Variants in AP2M1 observed in about 807,000 individuals in gnomAD.
The protein encoded by AP2M1 is AP-2 complex subunit mu.
AP2M1 carries 5 observed loss-of-function variants against 54.5 expected under a neutral mutation model. That is an observed-to-expected ratio of 0.09 (90% CI 0.05 to 0.19). The LOEUF (loss-of-function observed/expected upper bound fraction) is 0.19, where lower values mean the gene tolerates loss of function less well. AP2M1 is among the 10% of genes least tolerant of loss of function. The probability of loss-of-function intolerance (pLI) is 1.00; values close to 1 mark genes in which losing one functional copy is unlikely to be tolerated. For missense variants in AP2M1, 178 were observed against 580.2 expected (o/e 0.31, Z 7.12); for synonymous variants, 186 against 208.2 (o/e 0.89, Z 0.92).
chr3:184,181,598 T>G lies in AP2M1; in HGVS notation c.708-98T>G, dbSNP rs1018909021. The G allele has an allele frequency of 5.3e-6, 8 of 1,503,982 alleles. No individual in the cohort carries two copies. Among genetic ancestry groups the G allele is most frequent in the Non-Finnish European group, 9.1e-7 (1 of 1,098,636 alleles). The allele number at this position is 1,503,982 out of a possible 1,614,324, so 93.2% of individuals were successfully genotyped here. A position where few individuals can be genotyped will look rare whatever the true frequency, so the allele number is the denominator to read the frequency against. On this transcript the variant is annotated intron_variant, in intron 7 of 11. Transcript: ENST00000292807. This position sits in a 1 kb window ranked among gnomAD's most constrained non-coding sequence, Gnocchi z 5.7. ...TCACAAAGCTGCATTCTAGCAGCTT[T>G]TCATAGTCTCTGGTGCCAGCCTGGG...
Position 184,183,010 on chromosome 3 carries a change from T to G in AP2M1, c.1173+142T>G. ...CTGGCTTTAATTCATAGATCCATTC[T>G]TCCCCTTTCAAGCCTCTTAGTAGAA... On this transcript the variant is annotated intron_variant, in intron 11 of 11. Coordinates refer to ENST00000292807, the MANE Select transcript of AP2M1 (RefSeq NM_004068.4). This position sits in a 1 kb window ranked among gnomAD's most constrained non-coding sequence, Gnocchi z 5.7. 1.3e-6 allele frequency: 1 copy of G among 751,164 alleles called. No homozygotes were observed. The highest frequency in any genetic ancestry group is 2.4e-6 in the Non-Finnish European group (1 of 422,816). 46.5% of individuals were successfully genotyped at this position (751,164 alleles called of 1,614,324 possible). A position where few individuals can be genotyped will look rare whatever the true frequency, so the allele number is the denominator to read the frequency against.
chr3:184,177,758 G>A (rs758135893), intron 2 of AP2M1: 1 of 749,006 alleles, frequency 1.3e-6, no homozygotes, highest in Non-Finnish European at 2.1e-6. Context: ...CTTGTTCTTT[G>A]CGACTGAAGG....
chr3:184,177,834 C>T (rs1461468837), intron 2 of AP2M1: 1 of 594,792 alleles, frequency 1.7e-6, no homozygotes, highest in Non-Finnish European at 3.0e-6. Flanking sequence ...TGTTTTTCTT[C>T]CTCAGAGAGC....
In AP2M1 at chr3:184,180,814, T is replaced by G. The variant is rs770174224; in HGVS notation, c.430-35T>G. The stretch of plus-strand genomic sequence containing the variant: ...CAGGATGATTAAAGGGACAGAGGAG[T>G]GAGGCCATTGCTGTTTGTTTCTGCC... On this transcript the variant is annotated intron_variant, in intron 5 of 11. Transcript: ENST00000292807. The surrounding 1 kb of genome is among the most constrained non-coding windows in gnomAD (Gnocchi z 4.9). 2.5e-6 allele frequency: 4 copies of G among 1,613,854 alleles called. No individual in the cohort carries two copies. In the South Asian group the frequency reaches 4.4e-5, roughly 18 times the overall value.
intron 2 of AP2M1, chr3:184,177,643 C>A (rs916026314): frequency 1.3e-6 from 2 of 1,526,592 alleles, no homozygotes; most frequent in Non-Finnish European, 1.8e-6. Flanking sequence ...TGTGGGAGGG[C>A]AGGGAAGCCA....
In AP2M1 at chr3:184,174,869, C is replaced by G. The variant is rs1415216855; in HGVS notation, c.-134C>G. The stretch of plus-strand genomic sequence containing the variant: ...GGGGCGGCGGCACTGCGGTGAAAGC[C>G]GAGGCAGCGGGCAGACGAGCAGGGG... On this transcript the variant is annotated 5_prime_UTR_variant, in exon 1 of 12. Transcript: ENST00000292807. 5.0e-6 allele frequency: 2 copies of G among 397,924 alleles called. No individual in the cohort carries two copies. The highest frequency in any genetic ancestry group is 4.4e-5 in the Admixed American group (1 of 22,698). 24.6% of individuals were successfully genotyped at this position (397,924 alleles called of 1,614,324 possible).
chr3:184,176,122 A>G (rs1199049142), intron 1 of AP2M1, among the ~76,000 whole-genome samples: 4 of 152,260 alleles, frequency 2.6e-5, no homozygotes, highest in South Asian at 4.1e-4. Flanking sequence ...GAGTTACTTC[A>G]TGGGCCTGGA....
Position 184,183,124 on chromosome 3 carries a change from G to A in AP2M1, c.1173+256G>A. 5.3e-6 allele frequency: 3 copies of A among 566,890 alleles called. No homozygotes were observed. The highest frequency in any genetic ancestry group is 3.7e-5 in the African/African-American group (2 of 53,560). 35.1% of individuals were successfully genotyped at this position (566,890 alleles called of 1,614,324 possible). A position where few individuals can be genotyped will look rare whatever the true frequency, so the allele number is the denominator to read the frequency against. On this transcript the variant is annotated intron_variant, in intron 11 of 11. Transcript: ENST00000292807. This position sits in a 1 kb window ranked among gnomAD's most constrained non-coding sequence, Gnocchi z 5.7. ...AAAAACTTAGATTGTTTAAATGCCAGGTAAGACACAAAGTTTACTTACAGA... is the reference window on the plus strand; with the variant it reads ...AAAAACTTAGATTGTTTAAATGCCAAGTAAGACACAAAGTTTACTTACAGA...
chr3:184,179,448 C>T (rs769242298), intron 3 of AP2M1: 11 of 321,362 alleles, frequency 3.4e-5, no homozygotes, highest in Non-Finnish European at 6.5e-5. Flanking sequence ...ACTGTCCACC[C>T]AGTTTTCCAT....
At chr3:184,176,863 A>C in intron 1 of AP2M1, 88 bp from the exon 2 acceptor site, 4 of 903,650 alleles carry the variant, frequency 4.4e-6, no homozygotes, top group Non-Finnish European at 6.5e-6. Flanking sequence ...TTGAGTCAGG[A>C]AAGAAGCTCC....
In AP2M1 at chr3:184,183,161, G is replaced by A. The variant is rs1715330463; in HGVS notation, c.1173+293G>A. ...AGTTTACTTACAGACAGGATAATGG[G>A]CTGACTTTGCTTTGCGCATGTTAGA... On this transcript the variant is annotated intron_variant, in intron 11 of 11. Coordinates refer to ENST00000292807, the MANE Select transcript of AP2M1 (RefSeq NM_004068.4). The surrounding 1 kb of genome is among the most constrained non-coding windows in gnomAD (Gnocchi z 5.7). 7.2e-6 allele frequency: 4 copies of A among 553,050 alleles called. No homozygotes were observed. Among genetic ancestry groups the A allele is most frequent in the Middle Eastern group, 4.8e-4 (1 of 2,090 alleles). 34.3% of individuals were successfully genotyped at this position (553,050 alleles called of 1,614,324 possible).
At chr3:184,177,323 T>A (rs1715106183) in intron 2 of AP2M1, among the ~76,000 whole-genome samples, 1 of 152,232 alleles carries the variant, frequency 6.6e-6, no homozygotes, top group African/African-American at 2.4e-5. Flanking sequence ...CCTTCCTGCA[T>A]CCTGTTTCTC....
In AP2M1 at chr3:184,183,750, G is replaced by C. The variant is rs1715350411; in HGVS notation, c.*134G>C. The C allele has an allele frequency of 1.8e-6, 2 of 1,111,862 alleles. No individual in the cohort carries two copies. Among genetic ancestry groups the C allele is most frequent in the African/African-American group, 1.6e-5 (1 of 63,736 alleles). The allele number at this position is 1,111,862 out of a possible 1,614,324, so 68.9% of individuals were successfully genotyped here. Reference sequence around the variant, plus strand: ...TTCCCTTTGCACCAGCCCGAGTCTAGGTCTGGGCCAAGCACATTACAAGTG... The same window carrying C: ...TTCCCTTTGCACCAGCCCGAGTCTACGTCTGGGCCAAGCACATTACAAGTG... On this transcript the variant is annotated 3_prime_UTR_variant, in exon 12 of 12. Transcript: ENST00000292807. The surrounding 1 kb of genome is among the most constrained non-coding windows in gnomAD (Gnocchi z 5.7).
At position 184,182,654 on chromosome 3, in the gene AP2M1, C is replaced by A; in HGVS notation, c.1062-103C>A. On this transcript the variant is annotated intron_variant, in intron 10 of 11. Transcript: ENST00000292807. This position sits in a 1 kb window ranked among gnomAD's most constrained non-coding sequence, Gnocchi z 5.5. ...TCCTGACCACTTCTCCTTGTTCTGG[C>A]ACCTCCTGCAAGCTCCTGGGCTCTC... 1.1e-6 allele frequency: 1 copy of A among 930,282 alleles called. No homozygotes were observed. The highest frequency in any genetic ancestry group is 1.7e-6 in the Non-Finnish European group (1 of 601,720). The allele number at this position is 930,282 out of a possible 1,614,324, so 57.6% of individuals were successfully genotyped here. A position where few individuals can be genotyped will look rare whatever the true frequency, so the allele number is the denominator to read the frequency against.
rs757270743 is a variant in AP2M1 at position 184,182,084 on chromosome 3, TC to T, written c.963+40del. 5 of 1,611,224 alleles carry T rather than the reference TC, an allele frequency of 3.1e-6. No individual in the cohort carries two copies. Among genetic ancestry groups the T allele is most frequent in the Non-Finnish European group, 4.2e-6 (5 of 1,178,140 alleles). ...GGGCTCAAGGAGGAGGAAGAACTTGTCCCTAGGAATAAAGGTAGCTGATGTC... is the reference window on the plus strand; with the variant it reads ...GGGCTCAAGGAGGAGGAAGAACTTGTCCTAGGAATAAAGGTAGCTGATGTC... On this transcript the variant is annotated intron_variant, in intron 9 of 11. Transcript: ENST00000292807. This position sits in a 1 kb window ranked among gnomAD's most constrained non-coding sequence, Gnocchi z 5.5.
Position 184,180,438 on chromosome 3 carries a change from C to A in AP2M1, c.423+187C>A. 1 of 1,040,578 alleles carries A rather than the reference C, an allele frequency of 9.6e-7. No homozygotes were observed. Among genetic ancestry groups the A allele is most frequent in the Non-Finnish European group, 1.4e-6 (1 of 713,634 alleles). 64.5% of individuals were successfully genotyped at this position (1,040,578 alleles called of 1,614,324 possible). A position where few individuals can be genotyped will look rare whatever the true frequency, so the allele number is the denominator to read the frequency against. On this transcript the variant is annotated intron_variant, in intron 4 of 11. Transcript: ENST00000292807. This position sits in a 1 kb window ranked among gnomAD's most constrained non-coding sequence, Gnocchi z 4.9. ...CCTCCCACTGCAGGAGCAGCCAATT[C>A]AGCATCTCTATTACCAGGAATACAG...
At position 184,180,215 on chromosome 3, in the gene AP2M1, G is replaced by A. The variant is rs1715226028; in HGVS notation, c.387G>A (p.Leu129=). The change falls in exon 4 of 12, where the codon CTG becomes CTA. Residue 129 remains leucine, a synonymous_variant. Coordinates refer to ENST00000292807, the MANE Select transcript of AP2M1 (RefSeq NM_004068.4). This position sits in a 1 kb window ranked among gnomAD's most constrained non-coding sequence, Gnocchi z 4.9. ...CACAGAATTCCGAGACAGGCGCGCT[G>A]AAAACCTTCATCACGCAGCAGGGCA... ...GYPQNSETGA[L]KTFITQQGIK... 2.5e-6 allele frequency: 4 copies of A among 1,614,222 alleles called. No individual in the cohort carries two copies. In the East Asian group the frequency reaches 6.7e-5, roughly 27 times the overall value.
intron 3 of AP2M1, 195 bp from the exon 4 acceptor site, chr3:184,179,974 T>C (rs1351845414): frequency 1.6e-6 from 1 of 622,816 alleles, no homozygotes; most frequent in Non-Finnish European, 2.8e-6. Context: ...ATTTCTCTAT[T>C]TGAAAAAAAT....
intron 3 of AP2M1, chr3:184,179,399 T>C (rs1715195347): frequency 4.5e-6 from 2 of 442,994 alleles, no homozygotes; most frequent in Non-Finnish European, 4.1e-6. Flanking sequence ...CCTCCTGTAT[T>C]CATCCTCTTT....
Sources: allele counts gnomAD v4.1 joint callset (sites outside exome capture counted in the v4.1 genomes callset), GRCh38; gene constraint gnomAD v4.1.1; non-coding constraint Gnocchi (gnomAD v3.1); transcripts MANE v1.5; gene names NCBI Gene and HGNC (gene_info 2026-07-23, HGNC 2026-07-21).